Variants in GPR33 observed in about 807,000 individuals in gnomAD.
The protein encoded by GPR33 is probable G protein-coupled receptor 33.
In GPR33, 4 loss-of-function variants were observed where a neutral mutation model predicts 3.1. The observed-to-expected ratio is 1.29, with a 90% CI of 0.64 to 2.96. GPR33 has a LOEUF of 2.96. Ranked by LOEUF, GPR33 falls within the 30% of genes most tolerant of loss-of-function variation. The pLI, the probability that GPR33 is intolerant of heterozygous loss-of-function variation, is 0.01. For missense variants in GPR33, 390 were observed against 388.9 expected (o/e 1.00, Z -0.02); for synonymous variants, 138 against 142.0 (o/e 0.97, Z 0.20).
rs1306845438 is a variant in GPR33 at position 31,483,371 on chromosome 14, G to T, written c.595C>A (p.Gln199Lys). The T allele has an allele frequency of 2.0e-6, 3 of 1,536,168 alleles. No individual in the cohort carries two copies. Among genetic ancestry groups the T allele is most frequent in the Non-Finnish European group, 2.6e-6 (3 of 1,146,908 alleles). The change falls in exon 2 of 2, where the codon CAG (glutamine) becomes AAG (lysine). Residue 199 changes from glutamine to lysine, a missense_variant. Coordinates refer to ENST00000399285, the MANE Select transcript of GPR33 (RefSeq NM_001197184.3). Reference sequence around the variant, plus strand: ...ATGAAACAGGCCACATGAATCCACTGCCTTGATGCTTGCATCTCCTTGCTT... The same window carrying T: ...ATGAAACAGGCCACATGAATCCACTTCCTTGATGCTTGCATCTCCTTGCTT... Reference protein sequence around the residue: ...WESKEMQASRQWIHVACFISR... With the variant: ...WESKEMQASRKWIHVACFISR...
chr14:31,484,093 C>G (rs1418133282), intron 1 of GPR33, 122 bp from the exon 2 acceptor site: 22 of 721,586 alleles, frequency 3.0e-5, no homozygotes, highest in Non-Finnish European at 4.8e-5. Context: ...AATATTTTAA[C>G]AGCAGTAAGC....
chr14:31,483,653 T>A lies in GPR33; in HGVS notation c.313A>T (p.Asn105Tyr). The change falls in exon 2 of 2, where the codon AAT becomes TAT. Residue 105 changes from asparagine to tyrosine, a missense_variant. Asn to Tyr is a moderately radical substitution (Grantham distance 143). Transcript: ENST00000399285. ...AACATCCCCAGAGACAAAGTGCCATTGAAGACCTTGCACAAGGCAGTTCCA... is the reference window on the plus strand; with the variant it reads ...AACATCCCCAGAGACAAAGTGCCATAGAAGACCTTGCACAAGGCAGTTCCA... ...NFGTALCKVF[N>Y]GTLSLGMFTS... 6.5e-7 allele frequency: 1 copy of A among 1,536,138 alleles called. No homozygotes were observed. Among genetic ancestry groups the A allele is most frequent in the Non-Finnish European group, 8.7e-7 (1 of 1,146,918 alleles).
Position 31,483,736 on chromosome 14 carries a change from G to C in GPR33, c.230C>G (p.Ser77Ter). 1 of 1,536,076 alleles carries C rather than the reference G, an allele frequency of 6.5e-7. No individual in the cohort carries two copies. Among genetic ancestry groups the C allele is most frequent in the Non-Finnish European group, 8.7e-7 (1 of 1,146,890 alleles). The change falls in exon 2 of 2, where the codon TCA (serine) becomes TGA (stop). Residue 77 changes from serine to a stop codon, truncating the protein, a stop_gained. Coordinates refer to ENST00000399285, the MANE Select transcript of GPR33 (RefSeq NM_001197184.3). LOFTEE classifies it low-confidence loss of function (END_TRUNC). ...GGCCATAAATGGCAGAATCATTGTT[G>C]AAATAAAATAAGAGAGAATGAGATG... Reference protein sequence around the residue: ...FFHLILSYFISTMILPFMATS... With the variant: ...FFHLILSYFI
rs77195826 is a variant in GPR33 at position 31,483,731 on chromosome 14, T to A, written c.235A>T (p.Met79Leu). Residue 79 changes from methionine to leucine, a missense_variant, in exon 2 of 2, where the codon ATG becomes TTG. Coordinates refer to ENST00000399285, the MANE Select transcript of GPR33 (RefSeq NM_001197184.3). ...GAGGTGGCCATAAATGGCAGAATCA[T>A]TGTTGAAATAAAATAAGAGAGAATG... ...HLILSYFISTMILPFMATSQL... is the reference protein window; with the variant it reads ...HLILSYFISTLILPFMATSQL... 2.8e-3 allele frequency: 4,270 copies of A among 1,535,760 alleles called. 89 individuals carry two copies. In the African/African-American group the frequency reaches 0.053, roughly 19 times the overall value.
chr14:31,485,527 G>A (rs143656982), intron 1 of GPR33, among the ~76,000 whole-genome samples: 2,164 of 151,300 alleles, frequency 0.014, 43 homozygotes, highest in African/African-American at 0.05. Flanking sequence ...CCAGCTACTC[G>A]GGAGGCTGAG....
At position 31,482,985 on chromosome 14, in the gene GPR33, A is replaced by G. The variant is rs2032376355; in HGVS notation, c.981T>C (p.Ser327=). The change falls in exon 2 of 2, where the codon TCT becomes TCC. Residue 327 remains serine (S), a synonymous_variant. Coordinates refer to ENST00000399285, the MANE Select transcript of GPR33 (RefSeq NM_001197184.3). ...GAGTTTAGGTTTGTGTCCTTTCTAC[A>G]GAAGAATCTTCACTAAATGTTGACT... The part of the protein sequence containing the change: ...LFESTFSEDS[S]VERTQT 1 of 1,520,918 alleles carries G rather than the reference A, an allele frequency of 6.6e-7. No individual in the cohort carries two copies. Among genetic ancestry groups the G allele is most frequent in the Non-Finnish European group, 8.8e-7 (1 of 1,142,374 alleles). 94.2% of individuals were successfully genotyped at this position (1,520,918 alleles called of 1,614,324 possible).
Position 31,483,786 on chromosome 14 carries a change from CT to C in GPR33, c.179del (p.Gln60ArgfsTer20), listed in dbSNP as rs1379874336. ...GAAAAAATAAGAGAGTATTGACAGT[CT>C]GTTTCATCTTGAATCTTAGCACCCA... is the stretch of plus-strand genomic sequence containing the variant. ...YLWVLRFKMK[Q>X]TVNTLLFFHL... On this transcript the variant is annotated frameshift_variant, in exon 2 of 2. Transcript: ENST00000399285. LOFTEE classifies it low-confidence loss of function (END_TRUNC). 2 of 1,535,970 alleles carry C rather than the reference CT, an allele frequency of 1.3e-6. No individual in the cohort carries two copies. The highest frequency in any genetic ancestry group is 1.7e-6 in the Non-Finnish European group (2 of 1,146,894).
At chr14:31,485,229 C>A (rs1057064641) in intron 1 of GPR33, among the ~76,000 whole-genome samples, 15 of 151,866 alleles carry the variant, frequency 9.9e-5, no homozygotes, top group African/African-American at 3.4e-4. Context: ...AGCCACTGCG[C>A]CTGGCCAAAT....
chr14:31,483,904 G>A lies in GPR33; in HGVS notation c.62C>T (p.Thr21Ile). 6.5e-7 allele frequency: 1 copy of A among 1,535,732 alleles called. No homozygotes were observed. The highest frequency in any genetic ancestry group is 1.2e-5 in the South Asian group (1 of 84,056). The change falls in exon 2 of 2, where the codon ACT becomes ATT. Residue 21 changes from threonine to isoleucine, a missense_variant. Coordinates refer to ENST00000399285, the MANE Select transcript of GPR33 (RefSeq NM_001197184.3). ...TTTTGATGCAGGAGCTAGAAACTGAGTGCTGTTTCTTACTAAAGTAGAGGC... is the reference window on the plus strand; with the variant it reads ...TTTTGATGCAGGAGCTAGAAACTGAATGCTGTTTCTTACTAAAGTAGAGGC... ...INASTLVRNS[T>I]QFLAPASKMI...
chr14:31,487,439 T>TTG (rs1269883329), intron 1 of GPR33, among the ~76,000 whole-genome samples: 21 of 130,054 alleles, frequency 1.6e-4, no homozygotes, highest in Non-Finnish European at 3.1e-4. Flanking sequence ...TCAGTTTTTT[T>TTG]TTTTTTTTTT....
rs1566803881 is a variant in GPR33 at position 31,483,581 on chromosome 14, GA to G, written c.384del (p.Leu129SerfsTer36). Reference protein sequence around the residue: ...FLSAIGLDRYLLTLHPVWSQQ... With the variant: ...FLSAIGLDRYXLTLHPVWSQQ... ...TGGGACCACACTGGGTGAAGAGTGA[GA>G]AGGTAACGATCAAGACCGATGGCCG... On this transcript the variant is annotated frameshift_variant, in exon 2 of 2. Transcript: ENST00000399285. LOFTEE classifies it low-confidence loss of function (END_TRUNC). The G allele has an allele frequency of 4.6e-6, 7 of 1,536,184 alleles. No homozygotes were observed. In the East Asian group the frequency reaches 1.7e-4, roughly 38 times the overall value.
chr14:31,485,703 G>A (rs902977106), intron 1 of GPR33, among the ~76,000 whole-genome samples: 3 of 152,022 alleles, frequency 2.0e-5, no homozygotes, highest in Non-Finnish European at 4.4e-5. Flanking sequence ...TGAACAGAGG[G>A]GAAAGTGAGG....
At chr14:31,484,011 G>A (rs2032392348) in intron 1 of GPR33, 40 bp from the exon 2 acceptor site, 1 of 1,425,270 alleles carries the variant, frequency 7.0e-7, no homozygotes, top group South Asian at 1.5e-5. Flanking sequence ...ACAAGAAAAA[G>A]CAAAAGAAAA....
chr14:31,484,789 A>G (rs1393991651), intron 1 of GPR33, among the ~76,000 whole-genome samples: 1 of 152,240 alleles, frequency 6.6e-6, no homozygotes, highest in Non-Finnish European at 1.5e-5. Context: ...TGAGCTAATT[A>G]TATATAGTAA....
In GPR33 at chr14:31,483,200, C is replaced by G; in HGVS notation, c.766G>C (p.Val256Leu). The G allele has an allele frequency of 6.5e-7, 1 of 1,536,078 alleles. No homozygotes were observed. Among genetic ancestry groups the G allele is most frequent in the South Asian group, 1.2e-5 (1 of 84,056 alleles). Residue 256 changes from valine to leucine, a missense_variant, in exon 2 of 2, where the codon GTG becomes CTG. Val to Leu is a conservative substitution (Grantham distance 32). Transcript: ENST00000399285. ...TGTATATGGTAGGGCATCCAACACA[C>G]AAAGAAAGAGATAATGGCAGTCATC... ...VMMTAIISFF[V>L]CWMPYHIHQG... is the part of the protein sequence containing the mutation.
Position 31,483,199 on chromosome 14 carries a change from A to G in GPR33, c.767T>C (p.Val256Ala), listed in dbSNP as rs1390480093. Reference sequence around the variant, plus strand: ...GTGTATATGGTAGGGCATCCAACACACAAAGAAAGAGATAATGGCAGTCAT... The same window carrying G: ...GTGTATATGGTAGGGCATCCAACACGCAAAGAAAGAGATAATGGCAGTCAT... Reference protein sequence around the residue: ...VMMTAIISFFVCWMPYHIHQG... With the variant: ...VMMTAIISFFACWMPYHIHQG... Residue 256 changes from valine (V) to alanine (A), a missense_variant, in exon 2 of 2, where the codon GTG becomes GCG. Val to Ala is a moderately conservative substitution (Grantham distance 64, BLOSUM62 0). Transcript: ENST00000399285. 7 of 1,536,170 alleles carry G rather than the reference A, an allele frequency of 4.6e-6. No homozygotes were observed. Among genetic ancestry groups the G allele is most frequent in the Non-Finnish European group, 6.1e-6 (7 of 1,146,910 alleles).
intron 1 of GPR33, among the ~76,000 whole-genome samples, chr14:31,485,355 G>T (rs2032407376): frequency 1.3e-5 from 2 of 151,808 alleles, no homozygotes; most frequent in African/African-American, 4.8e-5. Context: ...ATCATTTCTG[G>T]CCGGGCGCGG....
chr14:31,483,583 A>C lies in GPR33; in HGVS notation c.383T>G (p.Leu128Arg), dbSNP rs1475347303. 2 of 1,536,178 alleles carry C rather than the reference A, an allele frequency of 1.3e-6. No individual in the cohort carries two copies. The highest frequency in any genetic ancestry group is 1.7e-4 in the Middle Eastern group (1 of 5,990). Residue 128 changes from leucine to arginine, a missense_variant, in exon 2 of 2, where the codon CTT becomes CGT. Coordinates refer to ENST00000399285, the MANE Select transcript of GPR33 (RefSeq NM_001197184.3). ...GGACCACACTGGGTGAAGAGTGAGAAGGTAACGATCAAGACCGATGGCCGA... is the reference window on the plus strand; with the variant it reads ...GGACCACACTGGGTGAAGAGTGAGACGGTAACGATCAAGACCGATGGCCGA... The part of the protein sequence containing the change: ...FLSAIGLDRY[L>R]LTLHPVWSQQ...
intron 1 of GPR33, among the ~76,000 whole-genome samples, chr14:31,487,622 T>C (rs1256809566): frequency 6.6e-6 from 1 of 151,896 alleles, no homozygotes; most frequent in Non-Finnish European, 1.5e-5. Context: ...GTATTTTTAG[T>C]AGAGATGGGG....
Sources: allele counts gnomAD v4.1 joint callset (sites outside exome capture counted in the v4.1 genomes callset), GRCh38; gene constraint gnomAD v4.1.1; transcripts MANE v1.5; gene names NCBI Gene and HGNC (gene_info 2026-07-23, HGNC 2026-07-21).